Variants in HS6ST3 observed in about 807,000 individuals in gnomAD.
HS6ST3 encodes the protein heparan-sulfate 6-O-sulfotransferase 3.
HS6ST3 carries 12 observed loss-of-function variants against 36.7 expected under a neutral mutation model. That is an observed-to-expected ratio of 0.33 (90% CI 0.21 to 0.53). The LOEUF (loss-of-function observed/expected upper bound fraction) is 0.53. Ranked by LOEUF, HS6ST3 falls within the 20% of genes least tolerant of loss-of-function variation. HS6ST3 has a pLI of 0.95. For synonymous variants in HS6ST3, 240 were observed against 257.5 expected (o/e 0.93, Z 0.65); for missense variants, 584 against 640.9 (o/e 0.91, Z 0.96).
At chr13:96,138,340 C>T (rs549898841) in intron 1 of HS6ST3, among the ~76,000 whole-genome samples, 1 of 151,096 alleles carries the variant, frequency 6.6e-6, no homozygotes, top group East Asian at 1.9e-4. Flanking sequence ...CTTATTTTAT[C>T]AGCTTTATTG....
intron 1 of HS6ST3, among the ~76,000 whole-genome samples, chr13:96,744,013 A>T (rs1266992412): frequency 1.3e-5 from 2 of 151,786 alleles, no homozygotes; most frequent in African/African-American, 2.4e-5. Context: ...AAACCTATGC[A>T]TGTGATTTTT....
At chr13:96,722,180 A>G (rs1483127591) in intron 1 of HS6ST3, among the ~76,000 whole-genome samples, 1 of 152,126 alleles carries the variant, frequency 6.6e-6, no homozygotes, top group African/African-American at 2.4e-5. Context: ...CAGGATCATC[A>G]CTTGAATCTG....
chr13:96,802,096 A>G (rs1392863098), intron 1 of HS6ST3, among the ~76,000 whole-genome samples: 1 of 152,120 alleles, frequency 6.6e-6, no homozygotes, highest in Non-Finnish European at 1.5e-5. Context: ...GAAAATTATC[A>G]GGGAGGAAAA....
At chr13:96,224,657 A>G (rs1458596756) in intron 1 of HS6ST3, among the ~76,000 whole-genome samples, 2 of 152,164 alleles carry the variant, frequency 1.3e-5, no homozygotes, top group South Asian at 2.1e-4. Context: ...CCTTGCTTAT[A>G]TATGTTCACA....
chr13:96,457,394 A>C (rs552891241), intron 1 of HS6ST3, among the ~76,000 whole-genome samples: 2 of 152,152 alleles, frequency 1.3e-5, no homozygotes, highest in Non-Finnish European at 2.9e-5. Context: ...AGGTGGGAGA[A>C]AGAGAAAAAT....
intron 1 of HS6ST3, among the ~76,000 whole-genome samples, chr13:96,300,200 G>A (rs750582766): frequency 6.6e-6 from 1 of 151,578 alleles, no homozygotes; most frequent in Non-Finnish European, 1.5e-5. Flanking sequence ...GAGATTACAG[G>A]TGTGTGACAC....
At chr13:96,772,752 T>A (rs1005925886) in intron 1 of HS6ST3, among the ~76,000 whole-genome samples, 2 of 152,212 alleles carry the variant, frequency 1.3e-5, no homozygotes, top group African/African-American at 4.8e-5. Flanking sequence ...GTTATTGTAA[T>A]ATTGGCCAAA....
In HS6ST3 at chr13:96,396,946, T is replaced by C. The variant is rs558873060; in HGVS notation, c.707+305377T>C. On this transcript the variant is annotated intron_variant, in intron 1 of 1. Coordinates refer to ENST00000376705, the MANE Select transcript of HS6ST3 (RefSeq NM_153456.4). ...GGCTGGGTGTGGTGGCACACGCCTGTAATCCTTGCACTTTGGGAGGCCGAG... is the reference window on the plus strand; with the variant it reads ...GGCTGGGTGTGGTGGCACACGCCTGCAATCCTTGCACTTTGGGAGGCCGAG... Among the ~76,000 whole-genome samples, 5 of 152,340 alleles carry C rather than the reference T, an allele frequency of 3.3e-5. No individual in the cohort carries two copies. In the South Asian group the frequency reaches 1.0e-3, roughly 32 times the overall value.
Position 96,809,066 on chromosome 13 carries a change from G to T in HS6ST3, c.708-23424G>T, listed in dbSNP as rs1672970692. Among the ~76,000 whole-genome samples the T allele has an allele frequency of 2.0e-5, 3 of 152,294 alleles. 1 individual carries two copies. The South Asian group carries it at 6.2e-4, about 32-fold the overall frequency. ...ATGCCACTCTGGGGGAGGATTTATA[G>T]ATTCACTTCTAACCATTTGAGCTAT... On this transcript the variant is annotated intron_variant, in intron 1 of 1. Coordinates refer to ENST00000376705, the MANE Select transcript of HS6ST3 (RefSeq NM_153456.4).
In HS6ST3 at chr13:96,758,401, C is replaced by A. The variant is rs191281086; in HGVS notation, c.708-74089C>A. On this transcript the variant is annotated intron_variant, in intron 1 of 1. Coordinates refer to ENST00000376705, the MANE Select transcript of HS6ST3 (RefSeq NM_153456.4). ...AGCTTACTTAATTCCATCTGTTGAT[C>A]TTGTTTCTATTTTGCTGAGTTCTGG... is the stretch of plus-strand genomic sequence containing the variant. 5.1e-3 allele frequency among the ~76,000 whole-genome samples: 774 copies of A among 151,898 alleles called. 6 individuals carry two copies. The highest frequency in any genetic ancestry group is 8.0e-3 in the Non-Finnish European group (540 of 67,800).
intron 1 of HS6ST3, among the ~76,000 whole-genome samples, chr13:96,754,114 C>T (rs919192610): frequency 6.6e-6 from 1 of 152,116 alleles, no homozygotes; most frequent in East Asian, 1.9e-4. Context: ...CCACTGCACC[C>T]GGCAAAAATG....
At chr13:96,688,081 G>GT (rs1874835666) in intron 1 of HS6ST3, among the ~76,000 whole-genome samples, 2 of 5,348 alleles carry the variant, frequency 3.7e-4, no homozygotes, top group Admixed American at 6.9e-3. Context: ...TGGAATGGGG[G>GT]GGGGGGAGGG....
intron 1 of HS6ST3, among the ~76,000 whole-genome samples, chr13:96,617,497 C>T (rs2056478763): frequency 1.3e-5 from 2 of 152,054 alleles, no homozygotes; most frequent in African/African-American, 4.8e-5. Context: ...TAATCTTTCA[C>T]TAATGTTCCT....
At chr13:96,572,101 C>G (rs773135617) in intron 1 of HS6ST3, among the ~76,000 whole-genome samples, 8 of 152,174 alleles carry the variant, frequency 5.3e-5, no homozygotes, top group Non-Finnish European at 1.2e-4. Flanking sequence ...AATCAGAAGA[C>G]CTGGGTTCTA....
Position 96,564,635 on chromosome 13 carries a change from C to T in HS6ST3, c.708-267855C>T, listed in dbSNP as rs116200935. Among the ~76,000 whole-genome samples, 1,117 of 152,222 alleles carry T rather than the reference C, an allele frequency of 7.3e-3. 15 individuals are homozygous for T. The highest frequency in any genetic ancestry group is 0.025 in the African/African-American group (1,057 of 41,540). On this transcript the variant is annotated intron_variant, in intron 1 of 1. Coordinates refer to ENST00000376705, the MANE Select transcript of HS6ST3 (RefSeq NM_153456.4). ...TACTTTCTCCACGAAATGACCTGGG[C>T]AAATCTAAACAAAGAGCTCCTTAAT...
chr13:96,739,817 C>T (rs1250893492), intron 1 of HS6ST3, among the ~76,000 whole-genome samples: 3 of 152,108 alleles, frequency 2.0e-5, no homozygotes, highest in African/African-American at 4.8e-5. Flanking sequence ...TCAATTACTT[C>T]CTATATATTT....
chr13:96,227,612 A>C (rs2054487188), intron 1 of HS6ST3, among the ~76,000 whole-genome samples: 1 of 152,242 alleles, frequency 6.6e-6, no homozygotes, highest in Admixed American at 6.5e-5. Flanking sequence ...TCTATCCTGC[A>C]GTGAGAGACA....
At chr13:96,675,656 G>A (rs1382338516) in intron 1 of HS6ST3, among the ~76,000 whole-genome samples, 1 of 152,090 alleles carries the variant, frequency 6.6e-6, no homozygotes, top group Non-Finnish European at 1.5e-5. Context: ...TCAAAACAAT[G>A]TAAGACCCTC....
chr13:96,297,638 A>G (rs1446020159), intron 1 of HS6ST3, among the ~76,000 whole-genome samples: 12 of 152,040 alleles, frequency 7.9e-5, no homozygotes, highest in Admixed American at 7.9e-4. Context: ...ACCTTGCCCA[A>G]TAATCTTTTT....
Sources: allele counts gnomAD v4.1 joint callset (sites outside exome capture counted in the v4.1 genomes callset), GRCh38; gene constraint gnomAD v4.1.1; transcripts MANE v1.5; gene names NCBI Gene and HGNC (gene_info 2026-07-23, HGNC 2026-07-21).